Variants in ATP9B observed in about 807,000 individuals in gnomAD.
ATP9B encodes probable phospholipid-transporting ATPase IIB.
A neutral mutation model predicts 146.1 loss-of-function variants in ATP9B; 110 were observed. That is an observed-to-expected ratio of 0.75 (90% CI 0.65 to 0.88). The LOEUF (loss-of-function observed/expected upper bound fraction) is 0.88, where lower values mean the gene tolerates loss of function less well. Among genes scored for constraint, ATP9B ranks in the 40% least tolerant of loss-of-function variants. The pLI, the probability that ATP9B is intolerant of heterozygous loss-of-function variation, is 0.00. For synonymous variants in ATP9B, 604 were observed against 569.7 expected (o/e 1.06, Z -0.86); for missense variants, 1,499 against 1,496.4 (o/e 1.00, Z -0.03).
chr18:79,303,402 A>G (rs1261919971), intron 13 of ATP9B, among the ~76,000 whole-genome samples: 8 of 151,984 alleles, frequency 5.3e-5, no homozygotes, highest in Admixed American at 2.0e-4. Context: ...GTACCTTGAC[A>G]TGCTAGGGAG....
rs181100780 is a variant in ATP9B at position 79,096,499 on chromosome 18, C to T, written c.143C>T (p.Ala48Val). Residue 48 changes from alanine to valine, a missense_variant, in exon 2 of 30, where the codon GCG (alanine) becomes GTG (valine). Physicochemically the swap from Ala to Val is moderately conservative, Grantham distance 64. Transcript: ENST00000426216. Reference sequence around the variant, plus strand: ...AGGTACCAGCTGGAGGATGAGTCTGCGCATTTGGATGAAATGCCACTAATG... The same window carrying T: ...AGGTACCAGCTGGAGGATGAGTCTGTGCATTTGGATGAAATGCCACTAATG... Reference protein sequence around the residue: ...HSRYQLEDESAHLDEMPLMMS... With the variant: ...HSRYQLEDESVHLDEMPLMMS... 551 of 1,613,830 alleles carry T rather than the reference C, an allele frequency of 3.4e-4. 1 individual carries two copies. In the Middle Eastern group the frequency reaches 7.4e-3, roughly 22 times the overall value.
At chr18:79,093,170 G>A (rs576600154) in intron 1 of ATP9B, among the ~76,000 whole-genome samples, 26 of 152,266 alleles carry the variant, frequency 1.7e-4, no homozygotes, top group Non-Finnish European at 3.1e-4. Flanking sequence ...TGACTGGTAT[G>A]TCATTATGCA....
At chr18:79,245,824 A>AGGAGGGTACCACCCTACTGACTGC (rs2095947985) in intron 11 of ATP9B, among the ~76,000 whole-genome samples, 2 of 133,632 alleles carry the variant, frequency 1.5e-5, no homozygotes, top group Non-Finnish European at 3.1e-5. Flanking sequence ...CTACTGACTG[A>AGGAGGGTACCACCCTACTGACTGC]GGAGGGCACC....
chr18:79,167,185 G>A (rs1054868740), intron 7 of ATP9B, among the ~76,000 whole-genome samples: 5 of 152,186 alleles, frequency 3.3e-5, no homozygotes, highest in South Asian at 2.1e-4. Context: ...GCAATAAGGC[G>A]AATGGCAGGG....
At chr18:79,331,697 G>T (rs1250788318) in intron 17 of ATP9B, among the ~76,000 whole-genome samples, 1 of 151,684 alleles carries the variant, frequency 6.6e-6, no homozygotes. Context: ...CTGAATTCTT[G>T]GCTTGTCAAA....
At chr18:79,296,419 T>C (rs933744254) in intron 13 of ATP9B, among the ~76,000 whole-genome samples, 3 of 152,256 alleles carry the variant, frequency 2.0e-5, no homozygotes, top group Admixed American at 1.3e-4. Context: ...TTGTGTGGCT[T>C]TAAATTTATC....
rs562898304 is a variant in ATP9B at position 79,231,874 on chromosome 18, A to G, written c.1107+17836A>G. Reference sequence around the variant, plus strand: ...AATAATGGCATTTAAAACAACTTGGATGGAATTGGAGACCATTATTCTAAG... The same window carrying G: ...AATAATGGCATTTAAAACAACTTGGGTGGAATTGGAGACCATTATTCTAAG... On this transcript the variant is annotated intron_variant, in intron 11 of 29. Transcript: ENST00000426216. Among the ~76,000 whole-genome samples the G allele has an allele frequency of 2.6e-5, 4 of 151,618 alleles. No individual in the cohort carries two copies. The South Asian group carries it at 8.4e-4, about 32-fold the overall frequency.
At chr18:79,138,574 T>A (rs1168230328) in intron 5 of ATP9B, among the ~76,000 whole-genome samples, 1 of 152,228 alleles carries the variant, frequency 6.6e-6, no homozygotes, top group Non-Finnish European at 1.5e-5. Context: ...CAGTTGAAGA[T>A]CTTAGAGATC....
chr18:79,186,639 G>A (rs2095310497), intron 8 of ATP9B, among the ~76,000 whole-genome samples: 1 of 152,128 alleles, frequency 6.6e-6, no homozygotes, highest in South Asian at 2.1e-4. Context: ...AAACATTCTA[G>A]TAGAAGTTTC....
intron 1 of ATP9B, chr18:79,087,536 G>C (rs1435975357): frequency 6.6e-6 from 1 of 152,200 alleles, no homozygotes; most frequent in Non-Finnish European, 1.5e-5. Context: ...TAACATGCAG[G>C]CAAAGTGGGA....
intron 2 of ATP9B, among the ~76,000 whole-genome samples, chr18:79,102,508 G>T (rs141598526): frequency 7.3e-4 from 111 of 152,274 alleles, no homozygotes; most frequent in Middle Eastern, 6.8e-3. Context: ...CAGTGTGTCA[G>T]TTCCTGCCAG....
intron 9 of ATP9B, chr18:79,194,700 T>C (rs571600662): frequency 6.6e-6 from 1 of 152,222 alleles, no homozygotes; most frequent in Non-Finnish European, 1.5e-5. Context: ...ACAGGCTAAC[T>C]ATGAGAGTAG....
chr18:79,174,493 C>A (rs977344757), intron 7 of ATP9B, among the ~76,000 whole-genome samples: 9 of 152,220 alleles, frequency 5.9e-5, no homozygotes, highest in African/African-American at 2.2e-4. Flanking sequence ...TACAGTTGAT[C>A]TGTTCCAGTC....
chr18:79,310,663 C>T (rs964118553), intron 15 of ATP9B, among the ~76,000 whole-genome samples: 7 of 152,256 alleles, frequency 4.6e-5, no homozygotes, highest in African/African-American at 1.2e-4. Context: ...GACTAGATCT[C>T]GTGTCCTGAA....
At chr18:79,188,309 A>C (rs1412272039) in intron 8 of ATP9B, among the ~76,000 whole-genome samples, 1 of 152,240 alleles carries the variant, frequency 6.6e-6, no homozygotes, top group Non-Finnish European at 1.5e-5. Flanking sequence ...AAAGTAAATA[A>C]GAGTGGAAAA....
In ATP9B at chr18:79,239,981, G is replaced by A. The variant is rs915667415; in HGVS notation, c.1108-13400G>A. On this transcript the variant is annotated intron_variant, in intron 11 of 29. Transcript: ENST00000426216. The surrounding 1 kb of genome is among the most constrained non-coding windows in gnomAD (Gnocchi z 5.1). ...ACGCCTCAGGGGCCCCACACCCGCG[G>A]TCTCTTCCTAGAGCTGCAGTCCCAA... 6.6e-6 allele frequency among the ~76,000 whole-genome samples: 1 copy of A among 152,148 alleles called. No individual in the cohort carries two copies. Among genetic ancestry groups the A allele is most frequent in the Non-Finnish European group, 1.5e-5 (1 of 68,028 alleles).
chr18:79,307,372 A>G (rs2096625468), intron 15 of ATP9B, 138 bp downstream of exon 15: 4 of 1,276,504 alleles, frequency 3.1e-6, no homozygotes, highest in Non-Finnish European at 4.2e-6. Context: ...CTGTATGTGG[A>G]AAACTGCCCA....
chr18:79,335,132 T>C (rs992906958), intron 17 of ATP9B, among the ~76,000 whole-genome samples: 6 of 152,248 alleles, frequency 3.9e-5, no homozygotes, highest in African/African-American at 1.4e-4. Flanking sequence ...TCTGCCGCTC[T>C]GCCAGATTCT....
intron 15 of ATP9B, among the ~76,000 whole-genome samples, chr18:79,312,715 T>C (rs1170354238): frequency 6.6e-6 from 1 of 152,198 alleles, no homozygotes; most frequent in Non-Finnish European, 1.5e-5. Context: ...TATTGGTCCT[T>C]AAAACTATAT....
Sources: gnomAD v4.1 joint callset for allele counts (sites outside exome capture counted in the v4.1 genomes callset) on GRCh38, gnomAD v4.1.1 for gene constraint, Gnocchi (gnomAD v3.1) non-coding constraint, MANE v1.5 for transcripts, NCBI Gene and HGNC (gene_info 2026-07-23, HGNC 2026-07-21) for gene names.